The following GPC6 variants were observed in gnomAD, a reference collection of about 807,000 sequenced individuals.
GPC6 encodes the protein glypican 6.
A neutral mutation model predicts 55.2 loss-of-function variants in GPC6; 14 were observed. That is an observed-to-expected ratio of 0.25 (90% confidence interval 0.17 to 0.40). GPC6 has a LOEUF of 0.40. GPC6 is among the 10% of genes least tolerant of loss of function. The pLI is 1.00. For synonymous variants in GPC6, 278 were observed against 259.6 expected (o/e 1.07, Z -0.68); for missense variants, 641 against 708.5 (o/e 0.90, Z 1.08).
chr13:94,272,056 A>C, intron 4 of GPC6, among the ~76,000 whole-genome samples: 3 of 152,010 alleles, frequency 2.0e-5, no homozygotes, highest in Admixed American at 2.0e-4. Flanking sequence ...ATTTTGGTTT[A>C]CCTGGCACTG....
chr13:93,873,125 T>A (rs1594543862), intron 3 of GPC6, among the ~76,000 whole-genome samples: 2 of 151,826 alleles, frequency 1.3e-5, no homozygotes, highest in South Asian at 2.1e-4. Flanking sequence ...TTTTTTTTTT[T>A]AATTAATGAG....
chr13:93,334,405 A>G (rs552188135), intron 1 of GPC6, among the ~76,000 whole-genome samples: 2 of 152,306 alleles, frequency 1.3e-5, no homozygotes, highest in Admixed American at 1.3e-4. Context: ...GTTTAGGATT[A>G]TATTGAATCT....
intron 5 of GPC6, among the ~76,000 whole-genome samples, chr13:94,304,085 A>C (rs183770285): frequency 2.6e-4 from 40 of 152,364 alleles, no homozygotes; most frequent in Non-Finnish European, 1.8e-4. Flanking sequence ...AATGCCCTCC[A>C]TCAGCAGCGA....
chr13:93,536,092 G>C (rs117018902), intron 1 of GPC6, among the ~76,000 whole-genome samples: 14 of 152,200 alleles, frequency 9.2e-5, no homozygotes, highest in African/African-American at 3.4e-4. Flanking sequence ...GTGGGAACAC[G>C]GGACTAGCAT....
intron 3 of GPC6, among the ~76,000 whole-genome samples, chr13:93,949,439 G>A (rs997879779): frequency 1.3e-5 from 2 of 152,134 alleles, no homozygotes; most frequent in South Asian, 2.1e-4. Context: ...AGTGAATACA[G>A]CTTTAATATT....
At chr13:93,579,347 C>A (rs1876823409) in intron 2 of GPC6, among the ~76,000 whole-genome samples, 1 of 151,272 alleles carries the variant, frequency 6.6e-6, no homozygotes, top group Non-Finnish European at 1.5e-5. Flanking sequence ...TACATGTACC[C>A]TGAAAATATT....
chr13:94,030,107 A>T lies in GPC6; in HGVS notation c.877+2213A>T. On this transcript the variant is annotated intron_variant, in intron 4 of 8. Coordinates refer to ENST00000377047, the MANE Select transcript of GPC6 (RefSeq NM_005708.5). The stretch of plus-strand genomic sequence containing the variant: ...AAGCTCCGCCTCCCGGGTTCATGCC[A>T]TTCTCCTGTCTCAGCCTCAGCCTCC... Among the ~76,000 whole-genome samples, 3 of 149,222 alleles carry T rather than the reference A, an allele frequency of 2.0e-5. No homozygotes were observed. The Admixed American group carries it at 2.0e-4, about 10-fold the overall frequency.
At chr13:93,593,665 T>C (rs1747524700) in intron 2 of GPC6, among the ~76,000 whole-genome samples, 1 of 152,172 alleles carries the variant, frequency 6.6e-6, no homozygotes, top group African/African-American at 2.4e-5. Context: ...CAATTATTCA[T>C]TGTATCTATT....
intron 2 of GPC6, among the ~76,000 whole-genome samples, chr13:93,713,461 G>A (rs1347977186): frequency 6.6e-6 from 1 of 151,572 alleles, no homozygotes; most frequent in African/African-American, 2.4e-5. Context: ...AACAAAAAAG[G>A]GAGAGAATAA....
chr13:93,558,716 G>A (rs937033738), intron 2 of GPC6, among the ~76,000 whole-genome samples: 1 of 152,174 alleles, frequency 6.6e-6, no homozygotes, highest in African/African-American at 2.4e-5. Context: ...TGAATTGACT[G>A]TGGAGTTTGA....
intron 4 of GPC6, among the ~76,000 whole-genome samples, chr13:94,156,817 T>C (rs1175996573): frequency 6.6e-6 from 1 of 152,192 alleles, no homozygotes; most frequent in Non-Finnish European, 1.5e-5. Context: ...CTACTGCATA[T>C]TTTTCTGGTG....
At chr13:94,168,463 T>C (rs1431816364) in intron 4 of GPC6, among the ~76,000 whole-genome samples, 1 of 152,076 alleles carries the variant, frequency 6.6e-6, no homozygotes, top group Non-Finnish European at 1.5e-5. Flanking sequence ...ATTCCCCTAA[T>C]AACATTTTTA....
chr13:93,483,915 G>A (rs2139345114), intron 1 of GPC6, among the ~76,000 whole-genome samples: 1 of 152,222 alleles, frequency 6.6e-6, no homozygotes, highest in South Asian at 2.1e-4. Context: ...CCCTGTATTT[G>A]AATGTCACAA....
intron 2 of GPC6, among the ~76,000 whole-genome samples, chr13:93,826,412 A>G (rs1887254103): frequency 6.6e-6 from 1 of 152,194 alleles, no homozygotes; most frequent in Admixed American, 6.5e-5. Flanking sequence ...TCGACTGACT[A>G]ATGACCAAAG....
In GPC6 at chr13:93,675,980, G is replaced by T. The variant is rs77870721; in HGVS notation, c.319+130559G>T. ...AGATTTGAACTGGGCTTTAAAAAAT[G>T]GTGCCAGAGGCCAGGTGCAGTGGCT... is the stretch of plus-strand genomic sequence containing the variant. On this transcript the variant is annotated intron_variant, in intron 2 of 8. Transcript: ENST00000377047. Among the ~76,000 whole-genome samples, 422 of 151,428 alleles carry T rather than the reference G, an allele frequency of 2.8e-3. 4 individuals carry two copies. The highest frequency in any genetic ancestry group is 9.5e-3 in the African/African-American group (390 of 41,200).
intron 1 of GPC6, among the ~76,000 whole-genome samples, chr13:93,454,758 C>A (rs1414291008): frequency 6.6e-6 from 1 of 152,256 alleles, no homozygotes; most frequent in African/African-American, 2.4e-5. Context: ...GCAGGTGGAG[C>A]TGCCTGCCAG....
intron 1 of GPC6, among the ~76,000 whole-genome samples, chr13:93,425,056 A>G (rs1230395359): frequency 6.6e-6 from 1 of 152,178 alleles, no homozygotes; most frequent in Non-Finnish European, 1.5e-5. Context: ...GGGCAAATGA[A>G]ATACTTACTT....
At chr13:94,383,657 G>A (rs1247721171) in intron 7 of GPC6, among the ~76,000 whole-genome samples, 3 of 152,214 alleles carry the variant, frequency 2.0e-5, no homozygotes, top group Middle Eastern at 3.2e-3. Flanking sequence ...GAGGTGCAAG[G>A]GAGGTGCACG....
chr13:93,906,839 G>C (rs1448570639), intron 3 of GPC6, among the ~76,000 whole-genome samples: 40 of 152,140 alleles, frequency 2.6e-4, no homozygotes, highest in Admixed American at 2.6e-3. Flanking sequence ...GGATTCTTTG[G>C]TAGCTCTTAC....
Sources: allele counts gnomAD v4.1 joint callset (sites outside exome capture counted in the v4.1 genomes callset), GRCh38; gene constraint gnomAD v4.1.1; transcripts MANE v1.5; gene names NCBI Gene and HGNC (gene_info 2026-07-23, HGNC 2026-07-21).